Variants in IQGAP2 observed in about 807,000 individuals in gnomAD.
IQGAP2 encodes the protein IQ motif containing GTPase activating protein 2.
Under a neutral mutation model 201.3 loss-of-function variants are expected in IQGAP2, and 173 were observed. The ratio of observed to expected loss-of-function variants is 0.86; its 90% confidence interval spans 0.76 to 0.98. The LOEUF (loss-of-function observed/expected upper bound fraction) is 0.98, where lower values mean the gene tolerates loss of function less well. IQGAP2 is among the 50% of genes least tolerant of loss of function. The pLI is 0.00. For missense variants in IQGAP2, 1,687 were observed against 1,864.8 expected (o/e 0.90, Z 1.76); for synonymous variants, 675 against 673.9 (o/e 1.00, Z -0.03).
chr5:76,435,832 C>T (rs979826944), intron 1 of IQGAP2, among the ~76,000 whole-genome samples: 29 of 152,068 alleles, frequency 1.9e-4, no homozygotes, highest in African/African-American at 6.0e-4. Flanking sequence ...GATATGTTTA[C>T]GTTTGCTTGT....
At chr5:76,610,802 A>G (rs953233941) in intron 12 of IQGAP2, among the ~76,000 whole-genome samples, 33 of 152,050 alleles carry the variant, frequency 2.2e-4, no homozygotes. Flanking sequence ...ATTTATAATT[A>G]TAATGTATTT....
chr5:76,433,820 C>T (rs1257690287), intron 1 of IQGAP2, among the ~76,000 whole-genome samples: 2 of 152,164 alleles, frequency 1.3e-5, no homozygotes, highest in South Asian at 2.1e-4. Flanking sequence ...TGATTCTTAA[C>T]TTCAGTGTTT....
At chr5:76,633,058 T>C (rs1337010328) in intron 15 of IQGAP2, among the ~76,000 whole-genome samples, 3 of 152,174 alleles carry the variant, frequency 2.0e-5, no homozygotes, top group Non-Finnish European at 4.4e-5. Context: ...TGGGAAAGAA[T>C]TGCATAATTG....
At chr5:76,496,764 T>TCTTTC (rs1561416603) in intron 2 of IQGAP2, among the ~76,000 whole-genome samples, 6 of 110,890 alleles carry the variant, frequency 5.4e-5, no homozygotes, top group Non-Finnish European at 8.3e-5. Context: ...TTTCTTTCTT[T>TCTTTC]CTTTCTTTCT....
intron 1 of IQGAP2, among the ~76,000 whole-genome samples, chr5:76,450,376 C>G (rs1753666360): frequency 6.6e-6 from 1 of 152,112 alleles, no homozygotes; most frequent in African/African-American, 2.4e-5. Flanking sequence ...AATAGGGTAC[C>G]TCCAAAACAT....
At chr5:76,515,097 G>A (rs1758227369) in intron 2 of IQGAP2, among the ~76,000 whole-genome samples, 1 of 152,196 alleles carries the variant, frequency 6.6e-6, no homozygotes, top group African/African-American at 2.4e-5. Flanking sequence ...TGTATTGAAT[G>A]AAGAGTTTAG....
chr5:76,448,350 C>T (rs1397568266), intron 1 of IQGAP2, among the ~76,000 whole-genome samples: 1 of 152,194 alleles, frequency 6.6e-6, no homozygotes, highest in East Asian at 1.9e-4. Flanking sequence ...AGCCCTCTAT[C>T]CTTACTTATT....
chr5:76,495,112 G>C (rs918773895), intron 2 of IQGAP2, among the ~76,000 whole-genome samples: 1 of 151,958 alleles, frequency 6.6e-6, no homozygotes, highest in Non-Finnish European at 1.5e-5. Context: ...ATAAAGCACA[G>C]ATATACATAC....
At chr5:76,607,382 T>C (rs967642564) in intron 12 of IQGAP2, 1 of 152,200 alleles carries the variant, frequency 6.6e-6, no homozygotes, top group African/African-American at 2.4e-5. Context: ...GCCCCTACTA[T>C]AAAACAGGAT....
chr5:76,407,313 G>C (rs1750853174), intron 1 of IQGAP2, among the ~76,000 whole-genome samples: 1 of 152,154 alleles, frequency 6.6e-6, no homozygotes. Context: ...TATCTGAATA[G>C]TGAAGTTACT....
intron 1 of IQGAP2, among the ~76,000 whole-genome samples, chr5:76,409,883 T>A (rs1751014460): frequency 6.6e-6 from 1 of 152,192 alleles, no homozygotes; most frequent in Non-Finnish European, 1.5e-5. Context: ...GCTTTGGAGT[T>A]GAATAGATGT....
Position 76,658,500 on chromosome 5 carries a change from G to A in IQGAP2, c.2362G>A (p.Val788Ile). ...NPPLTVIRKFVYLLDQSDLDF... is the reference protein window; with the variant it reads ...NPPLTVIRKFIYLLDQSDLDF... ...ACCATTAACAGTAATTCGCAAATTTGTATACCTGCTGGACCAAAGTGATTT... is the reference window on the plus strand; with the variant it reads ...ACCATTAACAGTAATTCGCAAATTTATATACCTGCTGGACCAAAGTGATTT... Residue 788 changes from valine to isoleucine, a missense_variant, in exon 21 of 36, where the codon GTA becomes ATA. Transcript: ENST00000274364. 6.2e-7 allele frequency: 1 copy of A among 1,613,954 alleles called. No homozygotes were observed. The highest frequency in any genetic ancestry group is 8.5e-7 in the Non-Finnish European group (1 of 1,179,952).
At chr5:76,683,679 C>A in intron 29 of IQGAP2, 97 bp from the exon 30 acceptor site, 1 of 1,157,664 alleles carries the variant, frequency 8.6e-7, no homozygotes, top group Non-Finnish European at 1.2e-6. Flanking sequence ...ATTTAATTAC[C>A]AAGCCTATCT....
intron 2 of IQGAP2, among the ~76,000 whole-genome samples, chr5:76,501,191 A>G (rs1168186117): frequency 6.6e-6 from 1 of 152,216 alleles, no homozygotes; most frequent in East Asian, 1.9e-4. Flanking sequence ...ACACATGACT[A>G]AGTTCTAGTT....
intron 2 of IQGAP2, among the ~76,000 whole-genome samples, chr5:76,559,006 T>C (rs1744142767): frequency 6.6e-6 from 1 of 152,100 alleles, no homozygotes; most frequent in South Asian, 2.1e-4. Flanking sequence ...GTTCACACCA[T>C]TCTCCTGCCT....
At chr5:76,623,542 G>A (rs1749928269) in intron 13 of IQGAP2, 2 of 279,168 alleles carry the variant, frequency 7.2e-6, no homozygotes, top group Non-Finnish European at 6.7e-6. Flanking sequence ...TTCTCCCCTA[G>A]TAGATTTGCT....
At chr5:76,599,025 A>G (rs1417865473) in intron 10 of IQGAP2, among the ~76,000 whole-genome samples, 1 of 152,214 alleles carries the variant, frequency 6.6e-6, no homozygotes, top group Admixed American at 6.5e-5. Context: ...TTTAAAATAC[A>G]TAAAAGGATA....
chr5:76,668,884 A>G (rs1744039391), intron 23 of IQGAP2, 40 bp downstream of exon 23: 1 of 1,308,474 alleles, frequency 7.6e-7, no homozygotes, highest in East Asian at 2.5e-5. Context: ...CCAGTGAATC[A>G]ATCCTTTTGT....
intron 32 of IQGAP2, among the ~76,000 whole-genome samples, chr5:76,695,981 C>T (rs1487733822): frequency 6.6e-6 from 1 of 151,792 alleles, no homozygotes; most frequent in Non-Finnish European, 1.5e-5. Flanking sequence ...GCTGGGACTA[C>T]AGGCACGCAC....
Sources: gnomAD v4.1 joint callset for allele counts (sites outside exome capture counted in the v4.1 genomes callset) on GRCh38, gnomAD v4.1.1 for gene constraint, MANE v1.5 for transcripts, NCBI Gene and HGNC (gene_info 2026-07-23, HGNC 2026-07-21) for gene names.